Variants in CPQ observed in about 807,000 individuals in gnomAD.
CPQ encodes carboxypeptidase Q.
Under a neutral mutation model 45.7 loss-of-function variants are expected in CPQ, and 37 were observed. The observed-to-expected ratio is 0.81, with a 90% confidence interval of 0.62 to 1.07. The LOEUF (loss-of-function observed/expected upper bound fraction) is 1.07, where lower values mean the gene tolerates loss of function less well. CPQ is among the 50% of genes least tolerant of loss of function. The pLI is 0.00. For synonymous variants in CPQ, 186 were observed against 205.8 expected (o/e 0.90, Z 0.82); for missense variants, 537 against 572.9 (o/e 0.94, Z 0.64).
At chr8:96,833,286 CTT>C (rs1432165854) in intron 2 of CPQ, among the ~76,000 whole-genome samples, 1 of 152,060 alleles carries the variant, frequency 6.6e-6, no homozygotes, top group Non-Finnish European at 1.5e-5. Flanking sequence ...ACTCCACTCT[CTT>C]GTTTGTTAAA....
chr8:97,058,151 G>C (rs1056956122), intron 6 of CPQ, among the ~76,000 whole-genome samples: 1 of 152,060 alleles, frequency 6.6e-6, no homozygotes, highest in Non-Finnish European at 1.5e-5. Flanking sequence ...GCTAGAGAAA[G>C]AAAAACCCAC....
intron 4 of CPQ, among the ~76,000 whole-genome samples, chr8:96,942,612 C>T (rs920777972): frequency 2.6e-5 from 4 of 152,192 alleles, no homozygotes; most frequent in African/African-American, 7.2e-5. Flanking sequence ...GTCCCATGAC[C>T]TGGGTGGAAT....
chr8:96,894,219 G>C (rs991714964), intron 4 of CPQ, among the ~76,000 whole-genome samples: 5 of 152,124 alleles, frequency 3.3e-5, no homozygotes, highest in African/African-American at 1.2e-4. Context: ...CCTTATCAGA[G>C]ACCCTAAGCC....
chr8:97,016,925 A>T (rs1409309878), intron 5 of CPQ, among the ~76,000 whole-genome samples: 1 of 152,202 alleles, frequency 6.6e-6, no homozygotes, highest in Non-Finnish European at 1.5e-5. Flanking sequence ...TGTCACTCGG[A>T]TGGACAGAAC....
At chr8:96,795,139 C>G (rs1418082173) in intron 2 of CPQ, among the ~76,000 whole-genome samples, 4 of 152,130 alleles carry the variant, frequency 2.6e-5, no homozygotes, top group Non-Finnish European at 5.9e-5. Context: ...CATTTTTGTG[C>G]TTCTGATGAA....
At chr8:97,099,009 T>C (rs1811255372) in intron 7 of CPQ, among the ~76,000 whole-genome samples, 1 of 151,388 alleles carries the variant, frequency 6.6e-6, no homozygotes, top group Non-Finnish European at 1.5e-5. Flanking sequence ...AAGTTTAATT[T>C]AACAAAGCAA....
At chr8:96,931,085 G>A (rs1047386193) in intron 4 of CPQ, among the ~76,000 whole-genome samples, 1 of 152,150 alleles carries the variant, frequency 6.6e-6, no homozygotes, top group Non-Finnish European at 1.5e-5. Flanking sequence ...ATACATGCAG[G>A]CTTCAAGCCA....
chr8:97,077,891 C>T (rs984457558), intron 7 of CPQ, among the ~76,000 whole-genome samples: 1 of 152,132 alleles, frequency 6.6e-6, no homozygotes, highest in East Asian at 1.9e-4. Flanking sequence ...TTAAATAAAT[C>T]TATGCAAACA....
intron 6 of CPQ, among the ~76,000 whole-genome samples, chr8:97,048,948 G>C (rs62508626): frequency 6.6e-6 from 1 of 152,080 alleles, no homozygotes. Flanking sequence ...GATAAGAATG[G>C]AGCAAATGAA....
At chr8:97,110,229 C>T (rs534762242) in intron 7 of CPQ, among the ~76,000 whole-genome samples, 13 of 152,168 alleles carry the variant, frequency 8.5e-5, no homozygotes, top group Admixed American at 2.0e-4. Context: ...GACTCACACA[C>T]GGGTATGTAT....
chr8:96,862,046 A>C (rs1586429906), intron 3 of CPQ, among the ~76,000 whole-genome samples: 1 of 152,148 alleles, frequency 6.6e-6, no homozygotes, highest in Non-Finnish European at 1.5e-5. Flanking sequence ...TGTCATAGGT[A>C]AGGTAGTGGC....
At chr8:96,730,575 C>CTGGT (rs1809898655) in intron 1 of CPQ, among the ~76,000 whole-genome samples, 2 of 151,934 alleles carry the variant, frequency 1.3e-5, no homozygotes, top group South Asian at 4.2e-4. Context: ...CCAAAGACTG[C>CTGGT]TGGTTGTCAG....
intron 2 of CPQ, among the ~76,000 whole-genome samples, chr8:96,796,995 T>G (rs1287584856): frequency 1.3e-5 from 2 of 152,230 alleles, no homozygotes; most frequent in Non-Finnish European, 2.9e-5. Context: ...AAGCTAATGA[T>G]GCAGATTTTA....
At chr8:96,753,491 T>G (rs1485994082) in intron 1 of CPQ, among the ~76,000 whole-genome samples, 1 of 151,516 alleles carries the variant, frequency 6.6e-6, no homozygotes, top group Non-Finnish European at 1.5e-5. Context: ...GAGCATATTT[T>G]ATCTTTCCAT....
intron 1 of CPQ, among the ~76,000 whole-genome samples, chr8:96,746,715 T>C (rs1287456492): frequency 1.3e-5 from 2 of 152,228 alleles, no homozygotes; most frequent in South Asian, 2.1e-4. Context: ...CATTATTTAC[T>C]TTTGTTCTGA....
intron 6 of CPQ, 22 bp downstream of exon 6, chr8:97,029,516 G>C (rs1412909292): frequency 6.3e-7 from 1 of 1,575,926 alleles, no homozygotes; most frequent in Non-Finnish European, 8.7e-7. Flanking sequence ...GCTGTGGATT[G>C]CTAAGCATTT....
chr8:96,912,172 C>A (rs1456236432), intron 4 of CPQ, among the ~76,000 whole-genome samples: 1 of 152,138 alleles, frequency 6.6e-6, no homozygotes, highest in African/African-American at 2.4e-5. Flanking sequence ...AAAGGTCATT[C>A]AGGATTATTT....
At chr8:97,042,155 A>G (rs1293692291) in intron 6 of CPQ, among the ~76,000 whole-genome samples, 1 of 152,240 alleles carries the variant, frequency 6.6e-6, no homozygotes, top group African/African-American at 2.4e-5. Flanking sequence ...TACTGCCACA[A>G]TTTCAGAGCC....
At chr8:96,713,177 A>G (rs1809635664) in intron 1 of CPQ, among the ~76,000 whole-genome samples, 1 of 152,190 alleles carries the variant, frequency 6.6e-6, no homozygotes. Context: ...GTCCTAAAAT[A>G]TTCCAAACTT....
Sources: allele counts gnomAD v4.1 joint callset (sites outside exome capture counted in the v4.1 genomes callset), GRCh38; gene constraint gnomAD v4.1.1; transcripts MANE v1.5; gene names NCBI Gene and HGNC (gene_info 2026-07-23, HGNC 2026-07-21).